Variants in KLHL2 observed in about 807,000 individuals in gnomAD.
KLHL2 encodes the protein kelch-like protein 2.
In KLHL2, 15 loss-of-function variants were observed where a neutral mutation model predicts 75.8. The observed-to-expected ratio is 0.20, with a 90% CI of 0.13 to 0.30. The LOEUF (loss-of-function observed/expected upper bound fraction) is 0.30. Ranked by LOEUF, KLHL2 falls within the 10% of genes least tolerant of loss-of-function variation. KLHL2 has a pLI of 1.00. For synonymous variants in KLHL2, 214 were observed against 251.9 expected, an observed-to-expected ratio of 0.85 and a Z score of 1.42; for missense variants, 381 against 741.0, an observed-to-expected ratio of 0.51 and a Z score of 5.64.
intron 14 of KLHL2, among the ~76,000 whole-genome samples, chr4:165,321,790 C>G (rs1747003081): frequency 6.6e-6 from 1 of 152,076 alleles, no homozygotes; most frequent in South Asian, 2.1e-4. Context: ...ATTGTAACTA[C>G]AAAGAGGAAA....
chr4:165,248,256 T>C (rs1740421010), intron 4 of KLHL2, among the ~76,000 whole-genome samples: 1 of 152,198 alleles, frequency 6.6e-6, no homozygotes, highest in Admixed American at 6.5e-5. Flanking sequence ...CATCAAAAAT[T>C]GTCAGCAGTT....
At position 165,322,419 on chromosome 4, in the gene KLHL2, T is replaced by C. The variant is rs549836392; in HGVS notation, c.*359T>C. ...TGAAGTAATGTGTGTTCTTGTAAAATTAAATTTTATCTTTATTTCTTCTAA... is the reference window on the plus strand; with the variant it reads ...TGAAGTAATGTGTGTTCTTGTAAAACTAAATTTTATCTTTATTTCTTCTAA... On this transcript the variant is annotated 3_prime_UTR_variant, in exon 15 of 15. Transcript: ENST00000226725. The C allele has an allele frequency of 5.7e-6, 1 of 175,800 alleles. No homozygotes were observed. Among genetic ancestry groups the C allele is most frequent in the East Asian group, 1.5e-4 (1 of 6,602 alleles). The allele number at this position is 175,800 out of a possible 1,614,324, so 10.9% of individuals were successfully genotyped here.
intron 4 of KLHL2, among the ~76,000 whole-genome samples, chr4:165,239,974 A>T (rs1227533117): frequency 1.3e-5 from 2 of 151,516 alleles, no homozygotes; most frequent in Non-Finnish European, 2.9e-5. Context: ...GGTCTAACTC[A>T]TGTTAATCAG....
At chr4:165,281,309 CTT>C (rs370907639) in intron 5 of KLHL2, among the ~76,000 whole-genome samples, 1 of 139,610 alleles carries the variant, frequency 7.2e-6, no homozygotes, top group Admixed American at 7.2e-5. Flanking sequence ...CTCTCTCTCT[CTT>C]TTTTTTTTTT....
intron 5 of KLHL2, among the ~76,000 whole-genome samples, chr4:165,276,251 T>G: frequency 6.6e-6 from 1 of 152,356 alleles, no homozygotes; most frequent in African/African-American, 2.4e-5. Context: ...GTAACTACTT[T>G]ACCCAGGCCT....
At chr4:165,289,509 G>GTTTATTTTTTTTTTTT (rs1744341830) in intron 5 of KLHL2, among the ~76,000 whole-genome samples, 1 of 112,974 alleles carries the variant, frequency 8.9e-6, no homozygotes, top group Non-Finnish European at 1.8e-5. Context: ...TTTTGGTTTG[G>GTTTATTTTTTTTTTTT]TTTTTTTTTT....
At chr4:165,293,565 C>T (rs1301299999) in intron 5 of KLHL2, among the ~76,000 whole-genome samples, 2 of 150,560 alleles carry the variant, frequency 1.3e-5, no homozygotes, top group East Asian at 1.9e-4. Flanking sequence ...TGCAGTGCTG[C>T]GATCTCAGCT....
intron 5 of KLHL2, among the ~76,000 whole-genome samples, chr4:165,268,278 G>A (rs1186800608): frequency 1.3e-5 from 2 of 151,936 alleles, no homozygotes; most frequent in Admixed American, 6.6e-5. Context: ...TGGATTCATT[G>A]ATTTTTTGAA....
chr4:165,254,856 T>C (rs1301456338), intron 4 of KLHL2, among the ~76,000 whole-genome samples: 1 of 152,244 alleles, frequency 6.6e-6, no homozygotes, highest in Non-Finnish European at 1.5e-5. Context: ...GCTACCTATA[T>C]TGTGAATGAT....
chr4:165,288,542 G>A (rs1382934013), intron 5 of KLHL2, among the ~76,000 whole-genome samples: 1 of 152,104 alleles, frequency 6.6e-6, no homozygotes, highest in Non-Finnish European at 1.5e-5. Context: ...TAAGCTGACA[G>A]TATTTCCTAA....
rs1207585814 is a variant in KLHL2, at chr4:165,210,268, T to C, written c.26+2366T>C. 2.3e-6 allele frequency: 3 copies of C among 1,290,760 alleles called. No individual in the cohort carries two copies. The East Asian group carries it at 7.6e-5, about 33-fold the overall frequency. The allele number at this position is 1,290,760 out of a possible 1,614,324, so 80.0% of individuals were successfully genotyped here. A position where few individuals can be genotyped will look rare whatever the true frequency, so the allele number is the denominator to read the frequency against. The stretch of plus-strand genomic sequence containing the variant: ...ACTGTGCGTGGTGCTTTTGCTTGTG[T>C]TCTCTTTTAACATCCAAATTTACAT... On this transcript the variant is annotated intron_variant, in intron 1 of 14. Coordinates refer to ENST00000226725, the MANE Select transcript of KLHL2 (RefSeq NM_007246.4).
chr4:165,316,114 G>A (rs1746570231), intron 13 of KLHL2, among the ~76,000 whole-genome samples: 1 of 152,188 alleles, frequency 6.6e-6, no homozygotes, highest in African/African-American at 2.4e-5. Context: ...AAGGAATCTG[G>A]TGTTGTGAGT....
Position 165,317,647 on chromosome 4 carries a change from G to A in KLHL2, c.1610-179G>A, listed in dbSNP as rs574278474. ...TCCAAAGTGCTGGGATTACAGGCGT[G>A]AGCCATGGTGCCTGGCTATCCTAAT... On this transcript the variant is annotated intron_variant, in intron 13 of 14. Transcript: ENST00000226725. Among the ~76,000 whole-genome samples, 125 of 152,336 alleles carry A rather than the reference G, an allele frequency of 8.2e-4. 1 individual carries two copies. The highest frequency in any genetic ancestry group is 3.4e-3 in the Middle Eastern group (1 of 294).
At chr4:165,275,274 T>C (rs1352267046) in intron 5 of KLHL2, among the ~76,000 whole-genome samples, 1 of 152,120 alleles carries the variant, frequency 6.6e-6, no homozygotes, top group Admixed American at 6.6e-5. Context: ...TTGGGTGGTA[T>C]CTATATTTTA....
At chr4:165,278,473 A>G in intron 5 of KLHL2, 2 of 1,578,418 alleles carry the variant, frequency 1.3e-6, no homozygotes, top group Non-Finnish European at 1.7e-6. Context: ...CAAAAGCAAT[A>G]TGGCATTTAT....
At chr4:165,217,995 C>T (rs1471457010) in intron 1 of KLHL2, among the ~76,000 whole-genome samples, 1 of 152,162 alleles carries the variant, frequency 6.6e-6, no homozygotes, top group Non-Finnish European at 1.5e-5. Context: ...TTCTGACTTT[C>T]TTTGACATGT....
chr4:165,273,274 C>A (rs999405544), intron 5 of KLHL2, among the ~76,000 whole-genome samples: 1 of 152,064 alleles, frequency 6.6e-6, no homozygotes, highest in Non-Finnish European at 1.5e-5. Context: ...CTTGTATTAT[C>A]TTGAAGCAAT....
chr4:165,305,690 A>G lies in KLHL2; in HGVS notation c.1004A>G (p.Gln335Arg), dbSNP rs757443186. The change falls in exon 9 of 15, where the codon CAA (glutamine) becomes CGA (arginine). Residue 335 changes from glutamine to arginine, a missense_variant. Gln to Arg is a conservative substitution (Grantham distance 43, BLOSUM62 1). Around this residue, in one of 5 missense-constraint regions of KLHL2, gnomAD observed 168 missense variants for 370.4 expected, o/e 0.45. Transcript: ENST00000226725. ...CYDFKEERWH[Q>R]VAELPSRRCR... ...GACTTTAAAGAAGAAAGGTGGCACCAAGTAGCAGAGTTGCCTTCCAGGAGG... is the reference window on the plus strand; with the variant it reads ...GACTTTAAAGAAGAAAGGTGGCACCGAGTAGCAGAGTTGCCTTCCAGGAGG... 1 of 1,614,162 alleles carries G rather than the reference A, an allele frequency of 6.2e-7. No individual in the cohort carries two copies. The highest frequency in any genetic ancestry group is 8.5e-7 in the Non-Finnish European group (1 of 1,179,978).
At chr4:165,208,905 G>A (rs1011079319) in intron 1 of KLHL2, among the ~76,000 whole-genome samples, 51 of 152,246 alleles carry the variant, frequency 3.3e-4, no homozygotes, top group African/African-American at 1.2e-3. Context: ...CGATTGTACC[G>A]CACCAGTCTC....
Sources: allele counts gnomAD v4.1 joint callset (sites outside exome capture counted in the v4.1 genomes callset), GRCh38; gene constraint gnomAD v4.1.1; regional missense constraint gnomAD v4.1.1; transcripts MANE v1.5; gene names NCBI Gene and HGNC (gene_info 2026-07-23, HGNC 2026-07-21).